Variants in USH2A observed in about 807,000 individuals in gnomAD.
The protein encoded by USH2A is usherin.
USH2A carries 443 observed loss-of-function variants against 538.9 expected under a neutral mutation model. The ratio of observed to expected loss-of-function variants is 0.82; its 90% CI spans 0.76 to 0.89. The LOEUF (loss-of-function observed/expected upper bound fraction) is 0.89. Among genes scored for constraint, USH2A ranks in the 40% least tolerant of loss-of-function variants. The pLI is 0.00. For missense variants in USH2A, 6,633 were observed against 6,324.8 expected, an observed-to-expected ratio of 1.05 and a Z score of -1.65; for synonymous variants, 2,413 against 2,273.5, an observed-to-expected ratio of 1.06 and a Z score of -1.75.
rs187604288 is a variant in USH2A, at chr1:216,370,543, G to T, written c.652-5458C>A. Among the ~76,000 whole-genome samples the T allele has an allele frequency of 2.7e-5, 4 of 150,494 alleles. No homozygotes were observed. In the South Asian group the frequency reaches 8.5e-4, roughly 32 times the overall value. ...AAAAATACAAAAATTAGCTGGGTATGGTGGCACGAGCCTGTAATCCGGGCT... is the reference window on the plus strand; with the variant it reads ...AAAAATACAAAAATTAGCTGGGTATTGTGGCACGAGCCTGTAATCCGGGCT... On this transcript the variant is annotated intron_variant, in intron 3 of 71. Transcript: ENST00000307340.
chr1:215,815,427 A>G (rs538616922), intron 48 of USH2A, among the ~76,000 whole-genome samples: 2 of 151,040 alleles, frequency 1.3e-5, no homozygotes, highest in South Asian at 2.1e-4. Flanking sequence ...TTTGTAGAGT[A>G]GATTTGTCTA....
intron 61 of USH2A, among the ~76,000 whole-genome samples, chr1:215,687,423 A>G (rs1658466711): frequency 1.3e-5 from 2 of 151,938 alleles, no homozygotes; most frequent in Admixed American, 1.3e-4. Context: ...GGAGGGGTCA[A>G]TTCAAAAAGA....
At chr1:216,245,831 T>C (rs986950449) in intron 13 of USH2A, among the ~76,000 whole-genome samples, 4 of 152,140 alleles carry the variant, frequency 2.6e-5, no homozygotes, top group South Asian at 2.1e-4. Flanking sequence ...CACTTTTGAG[T>C]TGGTATCATG....
intron 49 of USH2A, among the ~76,000 whole-genome samples, chr1:215,813,327 G>A (rs776589047): frequency 1.3e-5 from 2 of 152,192 alleles, no homozygotes; most frequent in East Asian, 3.9e-4. Flanking sequence ...TTGCAGTTGC[G>A]ATCTATCCAA....
chr1:216,086,960 TTCTTCACTGGC>T, intron 23 of USH2A, 140 bp from the exon 24 acceptor site: 1 of 679,104 alleles, frequency 1.5e-6, no homozygotes, highest in Non-Finnish European at 2.7e-6. Context: ...TTCATTACTT[TTCTTCACTGGC>T]TCTTCCTCAA....
intron 44 of USH2A, among the ~76,000 whole-genome samples, chr1:215,855,766 C>T (rs1328754205): frequency 6.6e-6 from 1 of 152,094 alleles, no homozygotes; most frequent in East Asian, 1.9e-4. Flanking sequence ...GGAGGTAACA[C>T]ATCACCTGAC....
In USH2A at chr1:216,010,244, C is replaced by T. The variant is rs184548063; in HGVS notation, c.6326-9682G>A. ...AAATGCCTGAACTGCAGCGGCCAGG[C>T]CTTCCTCCAGAACCTCCTCCTCCAG... is the stretch of plus-strand genomic sequence containing the variant. On this transcript the variant is annotated intron_variant, in intron 32 of 71. Transcript: ENST00000307340. 2.3e-3 allele frequency among the ~76,000 whole-genome samples: 356 copies of T among 152,278 alleles called. 4 individuals carry two copies. The East Asian group carries it at 0.037, about 16-fold the overall frequency.
intron 30 of USH2A, among the ~76,000 whole-genome samples, chr1:216,068,140 G>A (rs948856599): frequency 4.6e-5 from 7 of 152,200 alleles, no homozygotes; most frequent in Admixed American, 4.6e-4. Context: ...AGAGTGTCAA[G>A]TGTTTTTTGC....
At chr1:215,789,581 C>T (rs1661915345) in intron 51 of USH2A, among the ~76,000 whole-genome samples, 1 of 152,172 alleles carries the variant, frequency 6.6e-6, no homozygotes, top group African/African-American at 2.4e-5. Flanking sequence ...TTGACACAGG[C>T]ATTTGCTCAT....
At position 215,623,588 on chromosome 1, in the gene USH2A, A is replaced by G. The variant is rs1487017605; in HGVS notation, c.*2193T>C. On this transcript the variant is annotated 3_prime_UTR_variant, in exon 72 of 72. Transcript: ENST00000307340. ...CTCTGAAATAAATACAAGTAAACTT[A>G]GACATGTAGCAGGGGACAGAGTTCT... is the stretch of plus-strand genomic sequence containing the variant. 1 of 152,158 alleles carries G rather than the reference A, an allele frequency of 6.6e-6. No individual in the cohort carries two copies. The highest frequency in any genetic ancestry group is 6.6e-5 in the Admixed American group (1 of 15,264). 9.4% of individuals were successfully genotyped at this position (152,158 alleles called of 1,614,324 possible). A position where few individuals can be genotyped will look rare whatever the true frequency, so the allele number is the denominator to read the frequency against.
intron 60 of USH2A, 82 bp downstream of exon 60, chr1:215,741,293 A>G: frequency 6.7e-7 from 1 of 1,492,264 alleles, no homozygotes; most frequent in Non-Finnish European, 9.3e-7. Context: ...TCTTATGGAA[A>G]TATAAAATGC....
At chr1:215,687,833 A>G (rs1029347825) in intron 61 of USH2A, among the ~76,000 whole-genome samples, 2 of 152,130 alleles carry the variant, frequency 1.3e-5, no homozygotes, top group African/African-American at 2.4e-5. Context: ...TTAAACACAC[A>G]TGTATTGAGA....
chr1:215,929,163 G>T (rs1398351026), intron 38 of USH2A, among the ~76,000 whole-genome samples: 1 of 144,186 alleles, frequency 6.9e-6, no homozygotes, highest in South Asian at 2.2e-4. Context: ...GTAAAAAAAA[G>T]CATTTGTGAA....
chr1:215,928,737 G>A (rs1666295823), intron 38 of USH2A, among the ~76,000 whole-genome samples: 1 of 152,072 alleles, frequency 6.6e-6, no homozygotes, highest in Non-Finnish European at 1.5e-5. Flanking sequence ...GAACCATGCT[G>A]ACAACTCACA....
At chr1:215,879,122 A>G in intron 41 of USH2A, 24 bp from the exon 42 acceptor site, 1 of 1,598,202 alleles carries the variant, frequency 6.3e-7, no homozygotes. Context: ...TAAACTTAGA[A>G]TCAGTGTGAC....
chr1:215,729,623 GT>G (rs60747109), intron 60 of USH2A, among the ~76,000 whole-genome samples: 32 of 152,092 alleles, frequency 2.1e-4, no homozygotes, highest in Non-Finnish European at 2.6e-4. Flanking sequence ...TTGTTTTAGA[GT>G]TTTTTTGTTT....
chr1:216,366,815 C>T (rs928604962), intron 3 of USH2A, among the ~76,000 whole-genome samples: 12 of 152,042 alleles, frequency 7.9e-5, no homozygotes, highest in African/African-American at 1.9e-4. Flanking sequence ...ATACCAAGTC[C>T]TCAAGGGCCT....
intron 56 of USH2A, among the ~76,000 whole-genome samples, chr1:215,763,350 T>C (rs1178495747): frequency 1.3e-5 from 2 of 151,940 alleles, no homozygotes; most frequent in African/African-American, 2.4e-5. Context: ...TGGGGAGAAG[T>C]GGAGATGGGT....
intron 9 of USH2A, among the ~76,000 whole-genome samples, chr1:216,302,669 A>G (rs1376757317): frequency 6.6e-6 from 1 of 152,146 alleles, no homozygotes; most frequent in East Asian, 1.9e-4. Flanking sequence ...CATCATACAT[A>G]GTTACTTCAA....
Sources: allele counts gnomAD v4.1 joint callset (sites outside exome capture counted in the v4.1 genomes callset), GRCh38; gene constraint gnomAD v4.1.1; transcripts MANE v1.5; gene names NCBI Gene and HGNC (gene_info 2026-07-23, HGNC 2026-07-21).